The following ADRB1 variants were observed in gnomAD, a reference collection of about 807,000 sequenced individuals.
ADRB1 encodes the protein adrenoceptor beta 1.
For synonymous variants in ADRB1, 365 were observed against 347.2 expected, an observed-to-expected ratio of 1.05 and a Z score of -0.57; for missense variants, 635 against 709.1, an observed-to-expected ratio of 0.90 and a Z score of 1.19.
chr10:114,045,267 C>A lies in ADRB1; in HGVS notation c.1135C>A (p.Arg379Ser). 6.3e-7 allele frequency: 1 copy of A among 1,592,608 alleles called. No homozygotes were observed. Residue 379 changes from arginine to serine, a missense_variant, in exon 1 of 1, where the codon CGC becomes AGC. By Grantham distance (110) the Arg-to-Ser change is moderately radical. Coordinates refer to ENST00000369295, the MANE Select transcript of ADRB1 (RefSeq NM_000684.3). The part of the protein sequence containing the change: ...NSAFNPIIYC[R>S]SPDFRKAFQG... ...GGCCTTCAACCCCATCATCTACTGC[C>A]GCAGCCCCGACTTCCGCAAGGCCTT...
In ADRB1 at chr10:114,044,877, C is replaced by G. The variant is rs758145090; in HGVS notation, c.745C>G (p.Arg249Gly). The G allele has an allele frequency of 6.2e-7, 1 of 1,612,742 alleles. No homozygotes were observed. The highest frequency in any genetic ancestry group is 1.7e-5 in the Admixed American group (1 of 59,960). Residue 249 changes from arginine to glycine, a missense_variant, in exon 1 of 1, where the codon CGC (arginine) becomes GGC (glycine). Transcript: ENST00000369295. This position sits in a 1 kb window ranked among gnomAD's most constrained non-coding sequence, Gnocchi z 7.8. ...IMAFVYLRVF[R>G]EAQKQVKKID... ...GGCCTTCGTGTACCTGCGGGTGTTC[C>G]GCGAGGCCCAGAAGCAGGTGAAGAA...
In ADRB1 at chr10:114,044,819, C is replaced by G; in HGVS notation, c.687C>G (p.Ser229=). The G allele has an allele frequency of 1.9e-6, 3 of 1,613,880 alleles. No homozygotes were observed. The highest frequency in any genetic ancestry group is 2.5e-6 in the Non-Finnish European group (3 of 1,179,936). ...VTNRAYAIAS[S]VVSFYVPLCI... ...ACCGGGCCTACGCCATCGCCTCGTC[C>G]GTAGTCTCCTTCTACGTGCCCCTGT... The change falls in exon 1 of 1, where the codon TCC becomes TCG. Residue 229 remains serine, a synonymous_variant. Transcript: ENST00000369295. The surrounding 1 kb of genome is among the most constrained non-coding windows in gnomAD (Gnocchi z 7.8).
At position 114,043,951 on chromosome 10, in the gene ADRB1, A is replaced by G; in HGVS notation, c.-182A>G. ...CGGCGGCGGCGGCGGCGGCAGCGGC[A>G]GCGACAGCGCTCGGCTCCTGCGGGA... On this transcript the variant is annotated 5_prime_UTR_variant, in exon 1 of 1. Transcript: ENST00000369295. 1 of 327,044 alleles carries G rather than the reference A, an allele frequency of 3.1e-6. No homozygotes were observed. The highest frequency in any genetic ancestry group is 4.9e-6 in the Non-Finnish European group (1 of 203,462). The allele number at this position is 327,044 out of a possible 1,614,324, so 20.3% of individuals were successfully genotyped here.
rs1362820676 is a variant in ADRB1, at chr10:114,043,884, C to G, written c.-249C>G. On this transcript the variant is annotated 5_prime_UTR_variant, in exon 1 of 1. Transcript: ENST00000369295. ...CGCGCTCAGAAACATGCTGAAGTCCCGGCGGCTCTTCCAGCAGCGGCAGCG... is the reference window on the plus strand; with the variant it reads ...CGCGCTCAGAAACATGCTGAAGTCCGGGCGGCTCTTCCAGCAGCGGCAGCG... Among the ~76,000 whole-genome samples the G allele has an allele frequency of 3.3e-5, 5 of 151,852 alleles. No homozygotes were observed. Among genetic ancestry groups the G allele is most frequent in the Admixed American group, 1.3e-4 (2 of 15,260 alleles).
In ADRB1 at chr10:114,043,921, AGCGGCGGCGGCGGCG is replaced by A; in HGVS notation, c.-203_-189del. The A allele has an allele frequency of 8.6e-6, 2 of 233,684 alleles. No homozygotes were observed. The highest frequency in any genetic ancestry group is 1.3e-4 in the South Asian group (1 of 7,608). The allele number at this position is 233,684 out of a possible 1,614,324, so 14.5% of individuals were successfully genotyped here. A position where few individuals can be genotyped will look rare whatever the true frequency, so the allele number is the denominator to read the frequency against. ...CAGCAGCGGCAGCGGCTCCAGCAGC[AGCGGCGGCGGCGGCG>A]GCGGCGGCAGCGGCAGCGACAGCGC... On this transcript the variant is annotated 5_prime_UTR_variant, in exon 1 of 1. Transcript: ENST00000369295.
rs1217942211 is a variant in ADRB1 at position 114,044,186 on chromosome 10, G to C, written c.54G>C (p.Ser18=). Residue 18 remains serine (S), a synonymous_variant, in exon 1 of 1, where the codon TCG becomes TCC. Transcript: ENST00000369295. The surrounding 1 kb of genome is among the most constrained non-coding windows in gnomAD (Gnocchi z 7.8). ...CCTCCGAGCCCGGTAACCTGTCGTC[G>C]GCCGCACCGCTCCCCGACGGCGCGG... ...LGASEPGNLS[S]AAPLPDGAAT... is the part of the protein sequence containing the mutation. 3 of 1,371,382 alleles carry C rather than the reference G, an allele frequency of 2.2e-6. No individual in the cohort carries two copies. Among genetic ancestry groups the C allele is most frequent in the Middle Eastern group, 2.7e-4 (1 of 3,742 alleles). The allele number at this position is 1,371,382 out of a possible 1,614,324, so 85.0% of individuals were successfully genotyped here.
Position 114,044,590 on chromosome 10 carries a change from C to T in ADRB1, c.458C>T (p.Ala153Val), listed in dbSNP as rs1847532783. 6.2e-7 allele frequency: 1 copy of T among 1,613,440 alleles called. No individual in the cohort carries two copies. Among genetic ancestry groups the T allele is most frequent in the Non-Finnish European group, 8.5e-7 (1 of 1,179,958 alleles). The change falls in exon 1 of 1, where the codon GCC (alanine) becomes GTC (valine). Residue 153 changes from alanine (A) to valine (V), a missense_variant. Physicochemically the swap from Ala to Val is moderately conservative, Grantham distance 64. Transcript: ENST00000369295. This position sits in a 1 kb window ranked among gnomAD's most constrained non-coding sequence, Gnocchi z 7.8. ...TASIETLCVIALDRYLAITSP... is the reference protein window; with the variant it reads ...TASIETLCVIVLDRYLAITSP... Reference sequence around the variant, plus strand: ...AGCATCGAGACCCTGTGTGTCATTGCCCTGGACCGCTACCTCGCCATCACC... The same window carrying T: ...AGCATCGAGACCCTGTGTGTCATTGTCCTGGACCGCTACCTCGCCATCACC...
At position 114,045,437 on chromosome 10, in the gene ADRB1, C is replaced by T. The variant is rs1847549097; in HGVS notation, c.1305C>T (p.Val435=). 29 of 1,245,846 alleles carry T rather than the reference C, an allele frequency of 2.3e-5. 2 individuals are homozygous for T. The Middle Eastern group carries it at 1.7e-3, about 73-fold the overall frequency. The allele number at this position is 1,245,846 out of a possible 1,614,324, so 77.2% of individuals were successfully genotyped here. The change falls in exon 1 of 1, where the codon GTC becomes GTT. Residue 435 remains valine, a synonymous_variant. Transcript: ENST00000369295. ...GAASDDDDDD[V]VGATPPARLL... is the part of the protein sequence containing the mutation. ...CCTCGGACGACGACGACGACGATGT[C>T]GTCGGGGCCACGCCGCCCGCGCGCC...
In ADRB1 at chr10:114,045,136, T is replaced by G. The variant is rs1847542788; in HGVS notation, c.1004T>G (p.Leu335Arg). 1 of 1,588,694 alleles carries G rather than the reference T, an allele frequency of 6.3e-7. No individual in the cohort carries two copies. Among genetic ancestry groups the G allele is most frequent in the African/African-American group, 1.4e-5 (1 of 73,500 alleles). ...GGCATCATCATGGGCGTCTTCACGCTCTGCTGGCTGCCCTTCTTCCTGGCC... is the reference window on the plus strand; with the variant it reads ...GGCATCATCATGGGCGTCTTCACGCGCTGCTGGCTGCCCTTCTTCCTGGCC... The part of the protein sequence containing the change: ...TLGIIMGVFT[L>R]CWLPFFLANV... Residue 335 changes from leucine (L) to arginine (R), a missense_variant, in exon 1 of 1, where the codon CTC (leucine) becomes CGC (arginine). By Grantham distance (102) the Leu-to-Arg change is moderately radical (BLOSUM62 -2). Coordinates refer to ENST00000369295, the MANE Select transcript of ADRB1 (RefSeq NM_000684.3).
Position 114,044,006 on chromosome 10 carries a change from C to T in ADRB1, c.-127C>T, listed in dbSNP as rs943761104. 6 of 750,124 alleles carry T rather than the reference C, an allele frequency of 8.0e-6. No homozygotes were observed. Among genetic ancestry groups the T allele is most frequent in the South Asian group, 6.4e-5 (1 of 15,716 alleles). 46.5% of individuals were successfully genotyped at this position (750,124 alleles called of 1,614,324 possible). A position where few individuals can be genotyped will look rare whatever the true frequency, so the allele number is the denominator to read the frequency against. On this transcript the variant is annotated 5_prime_UTR_variant, in exon 1 of 1. Coordinates refer to ENST00000369295, the MANE Select transcript of ADRB1 (RefSeq NM_000684.3). This position sits in a 1 kb window ranked among gnomAD's most constrained non-coding sequence, Gnocchi z 7.8. ...CGCCCGGCGCCCATGCCTCCGGCCC[C>T]GCGCCGCGGCTGCCCTGACCCGGCC...
chr10:114,044,036 C>T lies in ADRB1; in HGVS notation c.-97C>T. ...CGCGGCTGCCCTGACCCGGCCGCGA[C>T]CTCCCTCTGCGCACCACGCCGCCCG... is the stretch of plus-strand genomic sequence containing the variant. On this transcript the variant is annotated 5_prime_UTR_variant, in exon 1 of 1. Transcript: ENST00000369295. The surrounding 1 kb of genome is among the most constrained non-coding windows in gnomAD (Gnocchi z 7.8). 1 of 1,040,942 alleles carries T rather than the reference C, an allele frequency of 9.6e-7. No homozygotes were observed. Among genetic ancestry groups the T allele is most frequent in the Non-Finnish European group, 1.2e-6 (1 of 827,076 alleles). 64.5% of individuals were successfully genotyped at this position (1,040,942 alleles called of 1,614,324 possible).
chr10:114,044,279 C>A lies in ADRB1; in HGVS notation c.147C>A (p.Ser49Arg). The change falls in exon 1 of 1, where the codon AGC (serine) becomes AGA (arginine). Residue 49 changes from serine to arginine, a missense_variant. Coordinates refer to ENST00000369295, the MANE Select transcript of ADRB1 (RefSeq NM_000684.3). This position sits in a 1 kb window ranked among gnomAD's most constrained non-coding sequence, Gnocchi z 7.8. ...PASLLPPASE[S>R]PEPLSQQWTA... is the part of the protein sequence containing the mutation. ...CGTTGCTGCCTCCCGCCAGCGAAAGCCCCGAGCCGCTGTCTCAGCAGTGGA... is the reference window on the plus strand; with the variant it reads ...CGTTGCTGCCTCCCGCCAGCGAAAGACCCGAGCCGCTGTCTCAGCAGTGGA... 2 of 1,569,514 alleles carry A rather than the reference C, an allele frequency of 1.3e-6. No individual in the cohort carries two copies. The highest frequency in any genetic ancestry group is 1.8e-5 in the Admixed American group (1 of 55,262).
chr10:114,044,893 A>G lies in ADRB1; in HGVS notation c.761A>G (p.Gln254Arg). Residue 254 changes from glutamine (Q) to arginine (R), a missense_variant, in exon 1 of 1, where the codon CAG becomes CGG. Coordinates refer to ENST00000369295, the MANE Select transcript of ADRB1 (RefSeq NM_000684.3). This position sits in a 1 kb window ranked among gnomAD's most constrained non-coding sequence, Gnocchi z 7.8. ...CGGGTGTTCCGCGAGGCCCAGAAGC[A>G]GGTGAAGAAGATCGACAGCTGCGAG... The part of the protein sequence containing the change: ...YLRVFREAQK[Q>R]VKKIDSCERR... 6.2e-7 allele frequency: 1 copy of G among 1,605,984 alleles called. No individual in the cohort carries two copies. Among genetic ancestry groups the G allele is most frequent in the Non-Finnish European group, 8.5e-7 (1 of 1,174,962 alleles).
In ADRB1 at chr10:114,044,249, C is replaced by T. The variant is rs371084372; in HGVS notation, c.117C>T (p.Pro39=). 3,024 of 1,479,274 alleles carry T rather than the reference C, an allele frequency of 2.0e-3. 6 individuals are homozygous for T. Among genetic ancestry groups the T allele is most frequent in the Admixed American group, 4.8e-3 (195 of 40,704 alleles). The allele number at this position is 1,479,274 out of a possible 1,614,324, so 91.6% of individuals were successfully genotyped here. ...GGCTGCTGGTGCCCGCGTCGCCGCCCGCCTCGTTGCTGCCTCCCGCCAGCG... is the reference window on the plus strand; with the variant it reads ...GGCTGCTGGTGCCCGCGTCGCCGCCTGCCTCGTTGCTGCCTCCCGCCAGCG... ...AARLLVPASP[P]ASLLPPASES... Residue 39 remains proline, a synonymous_variant, in exon 1 of 1, where the codon CCC becomes CCT. Coordinates refer to ENST00000369295, the MANE Select transcript of ADRB1 (RefSeq NM_000684.3). This position sits in a 1 kb window ranked among gnomAD's most constrained non-coding sequence, Gnocchi z 7.8.
Position 114,044,448 on chromosome 10 carries a change from G to A in ADRB1, c.316G>A (p.Val106Ile). Residue 106 changes from valine to isoleucine, a missense_variant, in exon 1 of 1, where the codon GTC (valine) becomes ATC (isoleucine). Val to Ile is a conservative substitution (Grantham distance 29). Transcript: ENST00000369295. This position sits in a 1 kb window ranked among gnomAD's most constrained non-coding sequence, Gnocchi z 7.8. Reference sequence around the variant, plus strand: ...CATGTCCCTGGCCAGCGCCGACCTGGTCATGGGGCTGCTGGTGGTGCCGTT... The same window carrying A: ...CATGTCCCTGGCCAGCGCCGACCTGATCATGGGGCTGCTGGTGGTGCCGTT... Reference protein sequence around the residue: ...FIMSLASADLVMGLLVVPFGA... With the variant: ...FIMSLASADLIMGLLVVPFGA... The A allele has an allele frequency of 6.2e-7, 1 of 1,613,184 alleles. No individual in the cohort carries two copies. Among genetic ancestry groups the A allele is most frequent in the Non-Finnish European group, 8.5e-7 (1 of 1,179,982 alleles).
Position 114,045,294 on chromosome 10 carries a change from C to A in ADRB1, c.1162C>A (p.Gln388Lys). 1 of 1,587,222 alleles carries A rather than the reference C, an allele frequency of 6.3e-7. No individual in the cohort carries two copies. The highest frequency in any genetic ancestry group is 8.6e-7 in the Non-Finnish European group (1 of 1,166,630). ...CRSPDFRKAFQGLLCCARRAA... is the reference protein window; with the variant it reads ...CRSPDFRKAFKGLLCCARRAA... Reference sequence around the variant, plus strand: ...CAGCCCCGACTTCCGCAAGGCCTTCCAGGGACTGCTCTGCTGCGCGCGCAG... The same window carrying A: ...CAGCCCCGACTTCCGCAAGGCCTTCAAGGGACTGCTCTGCTGCGCGCGCAG... Residue 388 changes from glutamine to lysine, a missense_variant, in exon 1 of 1, where the codon CAG (glutamine) becomes AAG (lysine). Transcript: ENST00000369295.
In ADRB1 at chr10:114,045,489, G is replaced by T. The variant is rs976555497; in HGVS notation, c.1357G>T (p.Gly453Cys). 3 of 1,285,426 alleles carry T rather than the reference G, an allele frequency of 2.3e-6. No homozygotes were observed. In the African/African-American group the frequency reaches 4.6e-5, roughly 20 times the overall value. 79.6% of individuals were successfully genotyped at this position (1,285,426 alleles called of 1,614,324 possible). A position where few individuals can be genotyped will look rare whatever the true frequency, so the allele number is the denominator to read the frequency against. ...GCTGGAGCCCTGGGCCGGCTGCAACGGCGGGGCGGCGGCGGACAGCGACTC... is the reference window on the plus strand; with the variant it reads ...GCTGGAGCCCTGGGCCGGCTGCAACTGCGGGGCGGCGGCGGACAGCGACTC... ...RLLEPWAGCN[G>C]GAAADSDSSL... Residue 453 changes from glycine to cysteine, a missense_variant, in exon 1 of 1, where the codon GGC becomes TGC. By Grantham distance (159) the Gly-to-Cys change is radical (BLOSUM62 -3). Transcript: ENST00000369295.
chr10:114,045,158 G>T lies in ADRB1; in HGVS notation c.1026G>T (p.Leu342=). Residue 342 remains leucine, a synonymous_variant, in exon 1 of 1, where the codon CTG becomes CTT. Coordinates refer to ENST00000369295, the MANE Select transcript of ADRB1 (RefSeq NM_000684.3). ...VFTLCWLPFF[L]ANVVKAFHRE... ...CGCTCTGCTGGCTGCCCTTCTTCCT[G>T]GCCAACGTGGTGAAGGCCTTCCACC... 1 of 1,597,502 alleles carries T rather than the reference G, an allele frequency of 6.3e-7. No homozygotes were observed.
chr10:114,046,243 C>T lies in ADRB1; in HGVS notation c.*677C>T, dbSNP rs1373635535. 2 of 167,076 alleles carry T rather than the reference C, an allele frequency of 1.2e-5. No individual in the cohort carries two copies. Among genetic ancestry groups the T allele is most frequent in the Non-Finnish European group, 2.9e-5 (2 of 68,140 alleles). The allele number at this position is 167,076 out of a possible 1,614,324, so 10.3% of individuals were successfully genotyped here. A position where few individuals can be genotyped will look rare whatever the true frequency, so the allele number is the denominator to read the frequency against. ...TAGGGCAAACCCGCTGTCCCCCGCG[C>T]GCCTGGGTGGTCAGGCTGAGGGATT... is the stretch of plus-strand genomic sequence containing the variant. On this transcript the variant is annotated 3_prime_UTR_variant, in exon 1 of 1. Transcript: ENST00000369295.
Sources: gnomAD v4.1 joint callset for allele counts (sites outside exome capture counted in the v4.1 genomes callset) on GRCh38, gnomAD v4.1.1 for gene constraint, Gnocchi (gnomAD v3.1) non-coding constraint, MANE v1.5 for transcripts, NCBI Gene and HGNC (gene_info 2026-07-23, HGNC 2026-07-21) for gene names.